Variants in TRMT9B observed in about 807,000 individuals in gnomAD.
TRMT9B encodes the protein probable tRNA methyltransferase 9B.
TRMT9B carries 16 observed loss-of-function variants against 11.5 expected under a neutral mutation model. The observed-to-expected ratio is 1.39, with a 90% CI of 0.94 to 2.11. TRMT9B has a LOEUF of 2.11. TRMT9B is among the 30% of genes most tolerant of loss of function. The pLI is 0.00. For synonymous variants in TRMT9B, 274 were observed against 192.4 expected, an observed-to-expected ratio of 1.42 and a Z score of -3.51; for missense variants, 941 against 553.8, an observed-to-expected ratio of 1.70 and a Z score of -7.02.
chr8:12,998,912 C>A (rs951885132), intron 2 of TRMT9B, among the ~76,000 whole-genome samples: 1 of 152,208 alleles, frequency 6.6e-6, no homozygotes, highest in Non-Finnish European at 1.5e-5. Flanking sequence ...ACATCAAATA[C>A]TCAGAGTTGC....
intron 1 of TRMT9B, among the ~76,000 whole-genome samples, chr8:12,955,852 G>A (rs921409053): frequency 1.3e-5 from 2 of 152,138 alleles, no homozygotes; most frequent in Admixed American, 1.3e-4. Context: ...CGGGCGGCAA[G>A]CTTGATGGGC....
At position 13,026,653 on chromosome 8, in the gene TRMT9B, T is replaced by G. The variant is rs1164922362; in HGVS notation, c.*4609T>G. On this transcript the variant is annotated 3_prime_UTR_variant, in exon 5 of 5. Coordinates refer to ENST00000524591, the MANE Select transcript of TRMT9B (RefSeq NM_020844.3). ...ATACTTATTGTTCCCATTTTGCAGA[T>G]GAGGAAAACTGAGGCAGAAAGAAAT... 1 of 167,162 alleles carries G rather than the reference T, an allele frequency of 6.0e-6. No homozygotes were observed. The allele number at this position is 167,162 out of a possible 1,614,324, so 10.4% of individuals were successfully genotyped here. A position where few individuals can be genotyped will look rare whatever the true frequency, so the allele number is the denominator to read the frequency against.
At chr8:13,018,498 A>G (rs192492113) in intron 4 of TRMT9B, among the ~76,000 whole-genome samples, 326 of 152,174 alleles carry the variant, frequency 2.1e-3, no homozygotes, top group African/African-American at 7.2e-3. Flanking sequence ...ATTTTATTAA[A>G]ATAGTCCCGT....
At chr8:12,972,819 G>C (rs1319645719) in intron 1 of TRMT9B, among the ~76,000 whole-genome samples, 8 of 152,128 alleles carry the variant, frequency 5.3e-5, no homozygotes. Flanking sequence ...GTTTTTTATT[G>C]TGGTAAAATA....
At chr8:13,008,854 T>C (rs964776693) in intron 3 of TRMT9B, among the ~76,000 whole-genome samples, 1 of 152,076 alleles carries the variant, frequency 6.6e-6, no homozygotes, top group Non-Finnish European at 1.5e-5. Flanking sequence ...TCAGCCTCCC[T>C]AGTAGCTGGG....
Position 13,012,749 on chromosome 8 carries a change from G to A in TRMT9B, c.220G>A (p.Gly74Arg). ...QVHTVGCDYC[G>R]PLVEIARNRG... ...ACATACCGTGGGCTGTGACTACTGT[G>A]GGCCACTGGTAGAGATTGCCCGGAA... The change falls in exon 4 of 5, where the codon GGG (glycine) becomes AGG (arginine). Residue 74 changes from glycine to arginine, a missense_variant. Coordinates refer to ENST00000524591, the MANE Select transcript of TRMT9B (RefSeq NM_020844.3). 6.2e-7 allele frequency: 1 copy of A among 1,613,978 alleles called. No individual in the cohort carries two copies. The highest frequency in any genetic ancestry group is 8.5e-7 in the Non-Finnish European group (1 of 1,179,886).
At chr8:13,001,677 G>GA (rs1306163679) in intron 2 of TRMT9B, among the ~76,000 whole-genome samples, 16 of 152,212 alleles carry the variant, frequency 1.1e-4, no homozygotes, top group African/African-American at 3.4e-4. Flanking sequence ...ATAATTCTGA[G>GA]AAAAAAGCGA....
chr8:12,962,013 A>G (rs571202076), intron 1 of TRMT9B: 29 of 152,398 alleles, frequency 1.9e-4, no homozygotes, highest in Admixed American at 9.1e-4. Context: ...ACACACCTGA[A>G]ACCACAGAGA....
intron 4 of TRMT9B, among the ~76,000 whole-genome samples, 180 bp from the exon 5 acceptor site, chr8:13,020,828 A>C (rs1158234141): frequency 6.6e-6 from 1 of 152,202 alleles, no homozygotes; most frequent in Non-Finnish European, 1.5e-5. Context: ...CAAAGCTAAA[A>C]TTTATGTTTC....
chr8:12,969,018 C>G (rs1357520510), intron 1 of TRMT9B, among the ~76,000 whole-genome samples: 1 of 152,150 alleles, frequency 6.6e-6, no homozygotes, highest in African/African-American at 2.4e-5. Flanking sequence ...TCGAGGCTAG[C>G]CTGATCAACA....
chr8:12,951,140 A>AAGGTTTGTGTCCAGTTTTGGGCAAAAACT (rs1352070791), intron 1 of TRMT9B, among the ~76,000 whole-genome samples: 2 of 152,134 alleles, frequency 1.3e-5, no homozygotes, highest in Non-Finnish European at 2.9e-5. Context: ...AAAACTTCTA[A>AAGGTTTGTGTCCAGTTTTGGGCAAAAACT]GTTCCACCCC....
At position 13,021,459 on chromosome 8, in the gene TRMT9B, T is replaced by C. The variant is rs1246402007; in HGVS notation, c.780T>C (p.Thr260=). The part of the protein sequence containing the change: ...WFFSRSLDES[T]LRKQIERVRP... ...TCTCCAGATCTTTGGATGAATCGACTCTGAGGAAGCAAATTGAAAGAGTAA... is the reference window on the plus strand; with the variant it reads ...TCTCCAGATCTTTGGATGAATCGACCCTGAGGAAGCAAATTGAAAGAGTAA... The change falls in exon 5 of 5, where the codon ACT becomes ACC. Residue 260 remains threonine, a synonymous_variant. Coordinates refer to ENST00000524591, the MANE Select transcript of TRMT9B (RefSeq NM_020844.3). The C allele has an allele frequency of 1.9e-6, 3 of 1,614,022 alleles. No homozygotes were observed. Among genetic ancestry groups the C allele is most frequent in the South Asian group, 1.1e-5 (1 of 91,090 alleles).
intron 2 of TRMT9B, among the ~76,000 whole-genome samples, chr8:13,005,107 G>GAAAAA (rs1297501304): frequency 2.0e-5 from 3 of 148,636 alleles, no homozygotes; most frequent in Non-Finnish European, 4.4e-5. Context: ...AAAAGAAAAA[G>GAAAAA]AAAAGAAAAG....
intron 1 of TRMT9B, among the ~76,000 whole-genome samples, chr8:12,985,306 T>C (rs537749377): frequency 6.6e-6 from 1 of 152,304 alleles, no homozygotes; most frequent in Admixed American, 6.5e-5. Context: ...CTCATAGGAT[T>C]TCAAGGAGAG....
intron 1 of TRMT9B, among the ~76,000 whole-genome samples, chr8:12,981,020 G>A (rs1805280828): frequency 6.6e-6 from 1 of 152,124 alleles, no homozygotes; most frequent in South Asian, 2.1e-4. Context: ...GCTTGTGCTG[G>A]AATATAAATC....
chr8:13,015,003 G>A (rs1434586710), intron 4 of TRMT9B, among the ~76,000 whole-genome samples: 3 of 151,710 alleles, frequency 2.0e-5, no homozygotes, highest in Non-Finnish European at 2.9e-5. Flanking sequence ...AGGTTGCAGT[G>A]AGCCAAGATC....
chr8:12,976,651 A>G (rs1804501225), intron 1 of TRMT9B, among the ~76,000 whole-genome samples: 1 of 152,220 alleles, frequency 6.6e-6, no homozygotes. Context: ...GGCATATTCA[A>G]AAGATGTTAC....
At chr8:12,986,525 A>T (rs1399715826) in intron 1 of TRMT9B, among the ~76,000 whole-genome samples, 2 of 152,248 alleles carry the variant, frequency 1.3e-5, no homozygotes, top group Non-Finnish European at 2.9e-5. Context: ...ATCAGTTACC[A>T]GTATCTAGAC....
At position 13,024,853 on chromosome 8, in the gene TRMT9B, C is replaced by T. The variant is rs1313739757; in HGVS notation, c.*2809C>T. The T allele has an allele frequency of 6.0e-6, 1 of 166,912 alleles. No homozygotes were observed. Among genetic ancestry groups the T allele is most frequent in the Non-Finnish European group, 1.5e-5 (1 of 68,120 alleles). 10.3% of individuals were successfully genotyped at this position (166,912 alleles called of 1,614,324 possible). On this transcript the variant is annotated 3_prime_UTR_variant, in exon 5 of 5. Transcript: ENST00000524591. Reference sequence around the variant, plus strand: ...TTTAATTTGGTGATTGATAATCTCTCTTTGGGGTAGTCACATGGAAAGCTC... The same window carrying T: ...TTTAATTTGGTGATTGATAATCTCTTTTTGGGGTAGTCACATGGAAAGCTC...
Sources: allele counts gnomAD v4.1 joint callset (sites outside exome capture counted in the v4.1 genomes callset), GRCh38; gene constraint gnomAD v4.1.1; transcripts MANE v1.5; gene names NCBI Gene and HGNC (gene_info 2026-07-23, HGNC 2026-07-21).